RIMS3: variants seen among roughly 807,000 people sequenced by gnomAD.
RIMS3 encodes regulating synaptic membrane exocytosis protein 3.
Under a neutral mutation model 29.2 loss-of-function variants are expected in RIMS3, and 15 were observed. The ratio of observed to expected loss-of-function variants is 0.51; its 90% CI spans 0.34 to 0.79. RIMS3 has a LOEUF of 0.79. Among genes scored for constraint, RIMS3 ranks in the 30% least tolerant of loss-of-function variants. The pLI is 0.01. For synonymous variants in RIMS3, 161 were observed against 170.1 expected (o/e 0.95, Z 0.41); for missense variants, 342 against 421.4 (o/e 0.81, Z 1.65).
In RIMS3 at chr1:40,640,175, C is replaced by T. The variant is rs971335223; in HGVS notation, c.217+1534G>A. 8.5e-5 allele frequency among the ~76,000 whole-genome samples: 13 copies of T among 152,250 alleles called. 1 individual carries two copies. The South Asian group carries it at 1.5e-3, about 17-fold the overall frequency. On this transcript the variant is annotated intron_variant, in intron 3 of 7. Transcript: ENST00000372684. Reference sequence around the variant, plus strand: ...AGACTCCCGGGGTCCAACACCTCCACGACCTTCTAATCTTAATCTCACTCC... The same window carrying T: ...AGACTCCCGGGGTCCAACACCTCCATGACCTTCTAATCTTAATCTCACTCC...
rs775110975 is a variant in RIMS3, at chr1:40,641,826, C to T, written c.100G>A (p.Gly34Arg). The T allele has an allele frequency of 5.0e-5, 81 of 1,612,930 alleles. No individual in the cohort carries two copies. The highest frequency in any genetic ancestry group is 3.3e-4 in the Middle Eastern group (2 of 6,076). The change falls in exon 3 of 8, where the codon GGG (glycine) becomes AGG (arginine). Residue 34 changes from glycine (G) to arginine (R), a missense_variant. Coordinates refer to ENST00000372684, the MANE Select transcript of RIMS3 (RefSeq NM_014747.3). ...GCGGTGGTGGTCCCAGCCCCGCCCC[C>T]GGCTTGCTGGGATCCGCAGATTTCA... ...SGEICGSQQA[G>R]GGAGTTTAKK...
In RIMS3 at chr1:40,626,701, A is replaced by G. The variant is rs1439143349; in HGVS notation, c.743T>C (p.Met248Thr). ...QVIVWGDYGR[M>T]DHKCFMGMAQ... Reference sequence around the variant, plus strand: ...CATGCCCATGAAGCACTTGTGGTCCATGCGGCCATAGTCTCCCCAGACGAT... The same window carrying G: ...CATGCCCATGAAGCACTTGTGGTCCGTGCGGCCATAGTCTCCCCAGACGAT... Residue 248 changes from methionine (M) to threonine (T), a missense_variant, in exon 8 of 8, where the codon ATG becomes ACG. Physicochemically the swap from Met to Thr is moderately conservative, Grantham distance 81. Coordinates refer to ENST00000372684, the MANE Select transcript of RIMS3 (RefSeq NM_014747.3). 9 of 1,614,166 alleles carry G rather than the reference A, an allele frequency of 5.6e-6. No homozygotes were observed. Among genetic ancestry groups the G allele is most frequent in the Non-Finnish European group, 7.6e-6 (9 of 1,180,044 alleles).
rs540699664 is a variant in RIMS3, at chr1:40,660,142, C to G, written c.-207+5252G>C. Among the ~76,000 whole-genome samples the G allele has an allele frequency of 3.1e-3, 475 of 152,184 alleles. 3 individuals carry two copies. The highest frequency in any genetic ancestry group is 0.014 in the Middle Eastern group (4 of 294). ...GATTCAGGAGGACTAACAGGGCTTG[C>G]TGAGGACTGGTTATAGGGGTGTGGG... On this transcript the variant is annotated intron_variant, in intron 1 of 7. Transcript: ENST00000372684.
chr1:40,674,085 C>T, the RIMS3 span, among the ~76,000 whole-genome samples: 10 of 152,256 alleles, frequency 6.6e-5, no homozygotes, highest in South Asian at 8.3e-4. Flanking sequence ...ATTGTTTATA[C>T]TTCTTCTAAA....
the RIMS3 span, among the ~76,000 whole-genome samples, chr1:40,683,238 C>T: frequency 3.9e-5 from 6 of 152,170 alleles, no homozygotes; most frequent in Non-Finnish European, 5.9e-5. Context: ...TGCAGTCATT[C>T]GCTACATGCT....
At position 40,662,922 on chromosome 1, in the gene RIMS3, C is replaced by T. The variant is rs1247694043; in HGVS notation, c.-207+2472G>A. On this transcript the variant is annotated intron_variant, in intron 1 of 7. Coordinates refer to ENST00000372684, the MANE Select transcript of RIMS3 (RefSeq NM_014747.3). ...ATTTGAATCCTGTCTGTCTGATGCCCAAGTGCCTGGTCTCTTCTCTGCCCC... is the reference window on the plus strand; with the variant it reads ...ATTTGAATCCTGTCTGTCTGATGCCTAAGTGCCTGGTCTCTTCTCTGCCCC... Among the ~76,000 whole-genome samples the T allele has an allele frequency of 2.6e-5, 4 of 152,146 alleles. No individual in the cohort carries two copies. The South Asian group carries it at 6.2e-4, about 24-fold the overall frequency.
At chr1:40,691,535 T>G in the RIMS3 span, 1 of 299,738 alleles carries the variant, frequency 3.3e-6, no homozygotes, top group South Asian at 2.3e-5. Context: ...AACTCAGATC[T>G]CGAGCTCCCG....
At position 40,641,891 on chromosome 1, in the gene RIMS3, C is replaced by A. The variant is rs551200867; in HGVS notation, c.35G>T (p.Gly12Val). The A allele has an allele frequency of 6.2e-7, 1 of 1,613,714 alleles. No homozygotes were observed. Among genetic ancestry groups the A allele is most frequent in the Admixed American group, 1.7e-5 (1 of 60,024 alleles). Residue 12 changes from glycine to valine, a missense_variant, in exon 3 of 8, where the codon GGG becomes GTG. Coordinates refer to ENST00000372684, the MANE Select transcript of RIMS3 (RefSeq NM_014747.3). ...GCTCCGCACCACATTCCTGGAGGCC[C>A]CAGATGAGGCAGGACCTGGCTCCCC... ...FNGEPGPASS[G>V]ASRNVVRSSS...
the RIMS3 span, among the ~76,000 whole-genome samples, chr1:40,685,320 ATTAATATATAATATAATTATAT>A: frequency 5.5e-5 from 1 of 18,136 alleles, no homozygotes; most frequent in Admixed American, 3.8e-4. Context: ...ATATATAATT[ATTAATATATAATATAATTATAT>A]TATATATATA....
Position 40,635,940 on chromosome 1 carries a change from G to C in RIMS3, c.335C>G (p.Thr112Ser). 6.2e-7 allele frequency: 1 copy of C among 1,612,912 alleles called. No individual in the cohort carries two copies. The highest frequency in any genetic ancestry group is 8.5e-7 in the Non-Finnish European group (1 of 1,179,964). ...QGSRESTDGSTNSNSSDGTFI... is the reference protein window; with the variant it reads ...QGSRESTDGSSNSNSSDGTFI... ...CGTGCCGTCGGAGCTGTTGCTGTTGGTGCTCCCATCGGTGGACTCCCGGCT... is the reference window on the plus strand; with the variant it reads ...CGTGCCGTCGGAGCTGTTGCTGTTGCTGCTCCCATCGGTGGACTCCCGGCT... Residue 112 changes from threonine to serine, a missense_variant, in exon 4 of 8, where the codon ACC (threonine) becomes AGC (serine). Coordinates refer to ENST00000372684, the MANE Select transcript of RIMS3 (RefSeq NM_014747.3). This position sits in a 1 kb window ranked among gnomAD's most constrained non-coding sequence, Gnocchi z 4.1.
the RIMS3 span, among the ~76,000 whole-genome samples, chr1:40,680,481 G>C: frequency 6.6e-6 from 1 of 151,946 alleles, no homozygotes; most frequent in Non-Finnish European, 1.5e-5. Flanking sequence ...ACAGGTGTCT[G>C]CCACCATACC....
At chr1:40,690,706 T>C in the RIMS3 span, 1 of 152,238 alleles carries the variant, frequency 6.6e-6, no homozygotes, top group Non-Finnish European at 1.5e-5. Flanking sequence ...AATTACTTTA[T>C]CACCAGGGTT....
intron 1 of RIMS3, among the ~76,000 whole-genome samples, chr1:40,653,987 C>T (rs1239188465): frequency 1.3e-5 from 2 of 152,154 alleles, no homozygotes; most frequent in Non-Finnish European, 2.9e-5. Flanking sequence ...GAAAGGCAGG[C>T]TCATCCTGAG....
chr1:40,659,784 G>A (rs1317509458), intron 1 of RIMS3, among the ~76,000 whole-genome samples: 1 of 152,180 alleles, frequency 6.6e-6, no homozygotes, highest in Non-Finnish European at 1.5e-5. Flanking sequence ...AAGAGGGGGC[G>A]TGCATTCCAG....
intron 2 of RIMS3, among the ~76,000 whole-genome samples, chr1:40,643,020 G>A (rs918495753): frequency 6.6e-6 from 1 of 152,038 alleles, no homozygotes; most frequent in South Asian, 2.1e-4. Flanking sequence ...GTATGCTACC[G>A]TGATATTCCA....
chr1:40,631,046 C>A (rs556225161), intron 5 of RIMS3, among the ~76,000 whole-genome samples: 1 of 152,312 alleles, frequency 6.6e-6, no homozygotes, highest in African/African-American at 2.4e-5. Context: ...CAGGACACTG[C>A]ACTTGGCTTC....
Position 40,635,136 on chromosome 1 carries a change from C to T in RIMS3, c.359+780G>A, listed in dbSNP as rs558303452. On this transcript the variant is annotated intron_variant, in intron 4 of 7. Coordinates refer to ENST00000372684, the MANE Select transcript of RIMS3 (RefSeq NM_014747.3). This position sits in a 1 kb window ranked among gnomAD's most constrained non-coding sequence, Gnocchi z 4.1. ...AGACACACAATCACTGAATCTCAAACGAGGGAGCCACAGAATCCTAAGCCT... is the reference window on the plus strand; with the variant it reads ...AGACACACAATCACTGAATCTCAAATGAGGGAGCCACAGAATCCTAAGCCT... Among the ~76,000 whole-genome samples the T allele has an allele frequency of 1.8e-4, 28 of 152,302 alleles. No homozygotes were observed. The highest frequency in any genetic ancestry group is 6.3e-4 in the African/African-American group (26 of 41,572).
At chr1:40,658,180 G>A (rs886434314) in intron 1 of RIMS3, among the ~76,000 whole-genome samples, 8 of 152,180 alleles carry the variant, frequency 5.3e-5, no homozygotes, top group Non-Finnish European at 8.8e-5. Context: ...TTTTCGTGGG[G>A]AAAAACTCTT....
At chr1:40,670,574 T>TTATATATTTA (rs1642480114), upstream of RIMS3, among the ~76,000 whole-genome samples, 2 of 71,210 alleles carry the variant, frequency 2.8e-5, no homozygotes, top group African/African-American at 1.4e-4. Context: ...AGTTATAATT[T>TTATATATTTA]TATATATATA....
Sources: allele counts gnomAD v4.1 joint callset (sites outside exome capture counted in the v4.1 genomes callset), GRCh38; gene constraint gnomAD v4.1.1; non-coding constraint Gnocchi (gnomAD v3.1); transcripts MANE v1.5; gene names NCBI Gene and HGNC (gene_info 2026-07-23, HGNC 2026-07-21).